Variants in MS4A12 observed in about 807,000 individuals in gnomAD.
MS4A12 encodes membrane spanning 4-domains A12.
Under a neutral mutation model 23.7 loss-of-function variants are expected in MS4A12, and 28 were observed. That is an observed-to-expected ratio of 1.18 (90% CI 0.88 to 1.62). The LOEUF (loss-of-function observed/expected upper bound fraction) is 1.62. MS4A12 is among the 40% of genes most tolerant of loss of function. The pLI, the probability that MS4A12 is intolerant of heterozygous loss-of-function variation, is 0.00. For missense variants in MS4A12, 342 were observed against 327.0 expected (o/e 1.05, Z -0.35); for synonymous variants, 108 against 110.1 (o/e 0.98, Z 0.12).
chr11:60,495,400 A>G (rs966339028), intron 1 of MS4A12, among the ~76,000 whole-genome samples: 1 of 151,590 alleles, frequency 6.6e-6, no homozygotes, highest in Non-Finnish European at 1.5e-5. Context: ...GGTTATGAGT[A>G]CAGGTTCTGG....
Position 60,506,746 on chromosome 11 carries a change from T to G in MS4A12, c.607T>G (p.Ser203Ala). 6.2e-7 allele frequency: 1 copy of G among 1,614,104 alleles called. No individual in the cohort carries two copies. Among genetic ancestry groups the G allele is most frequent in the Non-Finnish European group, 8.5e-7 (1 of 1,179,966 alleles). Reference sequence around the variant, plus strand: ...ATTTCAGCTTTCTGGAAAAGGCATTTCAGCCACGCTGATGATCTTCTCCCT... The same window carrying G: ...ATTTCAGCTTTCTGGAAAAGGCATTGCAGCCACGCTGATGATCTTCTCCCT... ...YWAVLSGKGI[S>A]ATLMIFSLLE... The change falls in exon 6 of 7, where the codon TCA (serine) becomes GCA (alanine). Residue 203 changes from serine to alanine, a missense_variant. Transcript: ENST00000016913.
chr11:60,503,920 G>A, intron 5 of MS4A12, 103 bp downstream of exon 5: 1 of 1,014,662 alleles, frequency 9.9e-7, no homozygotes. Flanking sequence ...AGTGGAAAAT[G>A]TTTTTTCTAT....
At chr11:60,494,712 C>T (rs1004055638) in intron 1 of MS4A12, among the ~76,000 whole-genome samples, 7 of 152,160 alleles carry the variant, frequency 4.6e-5, no homozygotes, top group African/African-American at 1.7e-4. Flanking sequence ...TTAGACTAGC[C>T]TCCTTAGGTA....
intron 5 of MS4A12, among the ~76,000 whole-genome samples, chr11:60,504,651 A>G (rs573763063): frequency 2.0e-5 from 3 of 152,348 alleles, no homozygotes; most frequent in South Asian, 4.1e-4. Context: ...TCTATCTAGA[A>G]CATATTAACA....
At chr11:60,501,260 C>A in intron 3 of MS4A12, 78 bp downstream of exon 3, 1 of 1,412,310 alleles carries the variant, frequency 7.1e-7, no homozygotes, top group Non-Finnish European at 9.5e-7. Flanking sequence ...TTGCTATCTC[C>A]AGCCAATTCA....
rs1445326159 is a variant in MS4A12, at chr11:60,507,293, C to G, written c.*169C>G. ...ATGGCTGTATCTCCCTTCACTGTCT[C>G]TTCCTACATTACCACTACTACATGC... On this transcript the variant is annotated 3_prime_UTR_variant, in exon 7 of 7. Transcript: ENST00000016913. The G allele has an allele frequency of 1.7e-6, 1 of 605,652 alleles. No individual in the cohort carries two copies. Among genetic ancestry groups the G allele is most frequent in the Non-Finnish European group, 2.9e-6 (1 of 342,872 alleles). 37.5% of individuals were successfully genotyped at this position (605,652 alleles called of 1,614,324 possible).
At chr11:60,506,288 T>C (rs1427486333) in intron 5 of MS4A12, among the ~76,000 whole-genome samples, 2 of 152,214 alleles carry the variant, frequency 1.3e-5, no homozygotes, top group Non-Finnish European at 2.9e-5. Context: ...TCTCACGGCA[T>C]CTTTCCACAC....
At chr11:60,504,218 G>A (rs1286511165) in intron 5 of MS4A12, among the ~76,000 whole-genome samples, 2 of 152,216 alleles carry the variant, frequency 1.3e-5, no homozygotes, top group African/African-American at 2.4e-5. Context: ...ACAGGGATAA[G>A]AACATCTGAT....
intron 4 of MS4A12, 116 bp from the exon 5 acceptor site, chr11:60,503,585 T>C (rs1024206949): frequency 4.8e-6 from 4 of 828,620 alleles, no homozygotes; most frequent in Non-Finnish European, 7.6e-6. Context: ...TAATTTCAAC[T>C]TGAAAAATTG....
In MS4A12 at chr11:60,497,535, A is replaced by G; in HGVS notation, c.217A>G (p.Ile73Val). The G allele has an allele frequency of 6.2e-7, 1 of 1,614,116 alleles. No homozygotes were observed. The highest frequency in any genetic ancestry group is 2.2e-5 in the East Asian group (1 of 44,890). The change falls in exon 2 of 7, where the codon ATA becomes GTA. Residue 73 changes from isoleucine (I) to valine (V), a missense_variant. Ile to Val is a conservative substitution (Grantham distance 29, BLOSUM62 3). Transcript: ENST00000016913. Reference sequence around the variant, plus strand: ...ACCGGGTCAAGGAAATATACAAATGATAAATCCAAGTGTGGGAACAGCAGT... The same window carrying G: ...ACCGGGTCAAGGAAATATACAAATGGTAAATCCAAGTGTGGGAACAGCAGT... ...SQPGQGNIQM[I>V]NPSVGTAVMN...
chr11:60,494,126 A>G (rs1355799450), intron 1 of MS4A12, among the ~76,000 whole-genome samples: 2 of 152,212 alleles, frequency 1.3e-5, no homozygotes, highest in South Asian at 2.1e-4. Flanking sequence ...CTTCATTTCA[A>G]TTGAATAATT....
At chr11:60,499,850 A>C (rs1444160438) in intron 2 of MS4A12, among the ~76,000 whole-genome samples, 4 of 152,222 alleles carry the variant, frequency 2.6e-5, no homozygotes, top group Non-Finnish European at 4.4e-5. Context: ...ATCTATCTTT[A>C]TTTACAATGA....
chr11:60,506,955 G>A (rs1478618291), intron 6 of MS4A12, 65 bp from the exon 7 acceptor site: 2 of 1,530,716 alleles, frequency 1.3e-6, no homozygotes, highest in East Asian at 2.2e-5. Flanking sequence ...TCACTCTGAT[G>A]GTACCAGGGG....
In MS4A12 at chr11:60,506,967, A is replaced by T. The variant is rs891713472; in HGVS notation, c.700-53A>T. The T allele has an allele frequency of 3.9e-6, 6 of 1,548,352 alleles. No individual in the cohort carries two copies. In the African/African-American group the frequency reaches 8.2e-5, roughly 21 times the overall value. On this transcript the variant is annotated intron_variant, in intron 6 of 6. Transcript: ENST00000016913. ...CCTTCACTCTGATGGTACCAGGGGA[A>T]ATTGCATAGGATTGTAGTAACCATA...
chr11:60,504,981 C>T lies in MS4A12; in HGVS notation c.588+1164C>T, dbSNP rs116342987. Among the ~76,000 whole-genome samples the T allele has an allele frequency of 3.6e-3, 550 of 152,178 alleles. 5 individuals are homozygous for T. Among genetic ancestry groups the T allele is most frequent in the African/African-American group, 0.012 (515 of 41,514 alleles). ...TTAAAAACATAGGAGAGTTTTAGGC[C>T]GGGAATTTGAATGATCACTTTTGTG... On this transcript the variant is annotated intron_variant, in intron 5 of 6. Coordinates refer to ENST00000016913, the MANE Select transcript of MS4A12 (RefSeq NM_017716.3).
Position 60,497,512 on chromosome 11 carries a change from C to T in MS4A12, c.194C>T (p.Pro65Leu), listed in dbSNP as rs374598941. 50 of 1,613,902 alleles carry T rather than the reference C, an allele frequency of 3.1e-5. No homozygotes were observed. The highest frequency in any genetic ancestry group is 1.2e-4 in the African/African-American group (9 of 74,904). ...TSPGIFASSQ[P>L]GQGNIQMINP... is the part of the protein sequence containing the mutation. Reference sequence around the variant, plus strand: ...CCGGGAATCTTTGCTAGCAGTCAACCGGGTCAAGGAAATATACAAATGATA... The same window carrying T: ...CCGGGAATCTTTGCTAGCAGTCAACTGGGTCAAGGAAATATACAAATGATA... Residue 65 changes from proline (P) to leucine (L), a missense_variant, in exon 2 of 7, where the codon CCG (proline) becomes CTG (leucine). Physicochemically the swap from Pro to Leu is moderately conservative, Grantham distance 98. Transcript: ENST00000016913.
chr11:60,497,587 C>G lies in MS4A12; in HGVS notation c.269C>G (p.Ala90Gly), dbSNP rs1309234439. 1 of 1,613,900 alleles carries G rather than the reference C, an allele frequency of 6.2e-7. No homozygotes were observed. Among genetic ancestry groups the G allele is most frequent in the Admixed American group, 1.7e-5 (1 of 60,028 alleles). Residue 90 changes from alanine to glycine, a missense_variant, in exon 2 of 7, where the codon GCA (alanine) becomes GGA (glycine). Ala to Gly is a moderately conservative substitution (Grantham distance 60). Coordinates refer to ENST00000016913, the MANE Select transcript of MS4A12 (RefSeq NM_017716.3). ...AVMNFKEEAK[A>G]LGVIQIMVGL... ...ATGAACTTTAAAGAAGAAGCAAAGG[C>G]ACTAGGGGTAAGTCTATTTACTACC...
rs1456601610 is a variant in MS4A12 at position 60,501,881 on chromosome 11, G to C, written c.415-102G>C. ...GAAGTGCGAGAGAAAATTTTGAGAAGGAAACTAGATGAACATAAATAGACC... is the reference window on the plus strand; with the variant it reads ...GAAGTGCGAGAGAAAATTTTGAGAACGAAACTAGATGAACATAAATAGACC... On this transcript the variant is annotated intron_variant, in intron 3 of 6. Transcript: ENST00000016913. 2.3e-5 allele frequency: 25 copies of C among 1,070,682 alleles called. No homozygotes were observed. The Admixed American group carries it at 2.6e-4, about 11-fold the overall frequency. The allele number at this position is 1,070,682 out of a possible 1,614,324, so 66.3% of individuals were successfully genotyped here.
rs753832823 is a variant in MS4A12 at position 60,506,883 on chromosome 11, GA to G, written c.699+46del. The G allele has an allele frequency of 2.7e-5, 43 of 1,568,248 alleles. No individual in the cohort carries two copies. The African/African-American group carries it at 5.6e-4, about 20-fold the overall frequency. Reference sequence around the variant, plus strand: ...TGTAAAATAATCTGAAAATGCCCTGGAGAAATACAGACTTGTGTCTGCTAAA... The same window carrying G: ...TGTAAAATAATCTGAAAATGCCCTGGGAAATACAGACTTGTGTCTGCTAAA... On this transcript the variant is annotated intron_variant, in intron 6 of 6. Coordinates refer to ENST00000016913, the MANE Select transcript of MS4A12 (RefSeq NM_017716.3).
Sources: allele counts gnomAD v4.1 joint callset (sites outside exome capture counted in the v4.1 genomes callset), GRCh38; gene constraint gnomAD v4.1.1; transcripts MANE v1.5; gene names NCBI Gene and HGNC (gene_info 2026-07-23, HGNC 2026-07-21).